The following UBL7 variants were observed in gnomAD, a reference collection of about 807,000 sequenced individuals.
UBL7 encodes the protein ubiquitin-like protein 7.
A neutral mutation model predicts 41.7 loss-of-function variants in UBL7; 21 were observed. The observed-to-expected ratio is 0.50, with a 90% CI of 0.36 to 0.73. The LOEUF is 0.73. Among genes scored for constraint, UBL7 ranks in the 30% least tolerant of loss-of-function variants. The pLI is 0.00. For synonymous variants in UBL7, 157 were observed against 186.9 expected, an observed-to-expected ratio of 0.84 and a Z score of 1.31; for missense variants, 403 against 478.4, an observed-to-expected ratio of 0.84 and a Z score of 1.47.
rs566064250 is a variant in UBL7, at chr15:74,456,414, G to A, written c.304+138C>T. On this transcript the variant is annotated intron_variant, in intron 3 of 10. Coordinates refer to ENST00000395081, the MANE Select transcript of UBL7 (RefSeq NM_032907.5). Reference sequence around the variant, plus strand: ...TTATCAGCATGGTCTAATCCAATAAGTAATAAAGATATCATTTATCATCAG... The same window carrying A: ...TTATCAGCATGGTCTAATCCAATAAATAATAAAGATATCATTTATCATCAG... The A allele has an allele frequency of 1.4e-4, 161 of 1,160,658 alleles. 1 individual carries two copies. In the African/African-American group the frequency reaches 2.2e-3, roughly 16 times the overall value. The allele number at this position is 1,160,658 out of a possible 1,614,324, so 71.9% of individuals were successfully genotyped here.
At position 74,446,349 on chromosome 15, in the gene UBL7, G is replaced by T; in HGVS notation, c.1006-122C>A. 8.0e-7 allele frequency: 1 copy of T among 1,257,398 alleles called. No individual in the cohort carries two copies. Among genetic ancestry groups the T allele is most frequent in the East Asian group, 2.4e-5 (1 of 41,538 alleles). The allele number at this position is 1,257,398 out of a possible 1,614,324, so 77.9% of individuals were successfully genotyped here. A position where few individuals can be genotyped will look rare whatever the true frequency, so the allele number is the denominator to read the frequency against. On this transcript the variant is annotated intron_variant, in intron 10 of 10. Transcript: ENST00000395081. The surrounding 1 kb of genome is among the most constrained non-coding windows in gnomAD (Gnocchi z 4.1). The stretch of plus-strand genomic sequence containing the variant: ...AGTCCTCAGCAAAGCTGCTGATGCT[G>T]AGTTCCACAGAACACGGTGCTTCTA...
intron 5 of UBL7, among the ~76,000 whole-genome samples, chr15:74,451,150 A>C (rs958590516): frequency 6.6e-6 from 1 of 152,112 alleles, no homozygotes; most frequent in Admixed American, 6.6e-5. Flanking sequence ...TCCCTTACTC[A>C]GGGTGTGCAG....
chr15:74,448,960 C>T (rs2061213153), intron 9 of UBL7, among the ~76,000 whole-genome samples: 1 of 152,104 alleles, frequency 6.6e-6, no homozygotes, highest in Non-Finnish European at 1.5e-5. Flanking sequence ...GTCTTCTGAA[C>T]TAATAGGGGG....
Position 74,448,490 on chromosome 15 carries a change from C to A in UBL7, c.993G>T (p.Gln331His). The change falls in exon 10 of 11, where the codon CAG becomes CAT. Residue 331 changes from glutamine to histidine, a missense_variant. Transcript: ENST00000395081. The part of the protein sequence containing the change: ...ALQHALQASG[Q>H]PSLQSQWQPQ... ...GGGGAAGACTGACCTGAAGGCTGGG[C>A]TGCCCAGAGGCCTGAAGGGCATGCT... 6.2e-7 allele frequency: 1 copy of A among 1,613,996 alleles called. No homozygotes were observed. Among genetic ancestry groups the A allele is most frequent in the Non-Finnish European group, 8.5e-7 (1 of 1,179,896 alleles).
intron 3 of UBL7, among the ~76,000 whole-genome samples, chr15:74,454,797 G>C (rs2061280042): frequency 6.6e-6 from 1 of 152,162 alleles, no homozygotes. Flanking sequence ...TCAGGCAGTG[G>C]GAGTGATTTT....
rs60629046 is a variant in UBL7 at position 74,448,645 on chromosome 15, A to G, written c.883-45T>C. On this transcript the variant is annotated intron_variant, in intron 9 of 10. Transcript: ENST00000395081. Reference sequence around the variant, plus strand: ...CAGTGCCACCCTCAGCGCCATCTCAATCTTATAGCAGATGCTCGCTGTTGT... The same window carrying G: ...CAGTGCCACCCTCAGCGCCATCTCAGTCTTATAGCAGATGCTCGCTGTTGT... The G allele has an allele frequency of 2.3e-3, 3,736 of 1,608,130 alleles. 130 individuals are homozygous for G. The East Asian group carries it at 0.07, about 30-fold the overall frequency.
intron 10 of UBL7, among the ~76,000 whole-genome samples, chr15:74,447,445 G>A (rs2061194180): frequency 1.3e-5 from 2 of 152,296 alleles, no homozygotes; most frequent in South Asian, 4.1e-4. Context: ...GCTCACACCT[G>A]TAATCCCAGA....
At chr15:74,457,736 C>CAAAA (rs1187527943) in intron 2 of UBL7, among the ~76,000 whole-genome samples, 3 of 37,622 alleles carry the variant, frequency 8.0e-5, no homozygotes, top group Admixed American at 2.6e-4. Context: ...GACTCCGTCT[C>CAAAA]AAAAAAAAAA....
intron 3 of UBL7, among the ~76,000 whole-genome samples, chr15:74,453,013 T>C (rs1252804585): frequency 6.6e-6 from 1 of 152,136 alleles, no homozygotes; most frequent in Non-Finnish European, 1.5e-5. Flanking sequence ...TGCCCAGCCC[T>C]GGGTCACACT....
At chr15:74,456,855 G>T (rs1244366571) in intron 2 of UBL7, among the ~76,000 whole-genome samples, 184 bp from the exon 3 acceptor site, 1 of 151,878 alleles carries the variant, frequency 6.6e-6, no homozygotes, top group African/African-American at 2.4e-5. Context: ...TGTTGCCCAG[G>T]CTTGAGTGCA....
At chr15:74,460,693 T>C in intron 1 of UBL7, 1 of 1,288,886 alleles carries the variant, frequency 7.8e-7, no homozygotes, top group Non-Finnish European at 1.0e-6. Flanking sequence ...CCCCAGAAAA[T>C]AAATCAGAAA....
chr15:74,451,719 A>C (rs1261604697), intron 4 of UBL7, among the ~76,000 whole-genome samples, 199 bp from the exon 5 acceptor site: 1 of 152,164 alleles, frequency 6.6e-6, no homozygotes, highest in African/African-American at 2.4e-5. Flanking sequence ...AATTTAAAAA[A>C]AAAAAAGGCA....
intron 7 of UBL7, 78 bp from the exon 8 acceptor site, chr15:74,449,753 T>C: frequency 6.3e-7 from 1 of 1,589,410 alleles, no homozygotes; most frequent in Non-Finnish European, 8.6e-7. Context: ...CTCAAGTTAC[T>C]CTCCAAATTC....
chr15:74,451,539 G>T lies in UBL7; in HGVS notation c.388-19C>A. The T allele has an allele frequency of 6.2e-7, 1 of 1,609,386 alleles. No homozygotes were observed. Among genetic ancestry groups the T allele is most frequent in the South Asian group, 1.1e-5 (1 of 90,990 alleles). On this transcript the variant is annotated intron_variant, in intron 4 of 10. Transcript: ENST00000395081. ...TAAAGACCTGCAGGAGAAATGGCGG[G>T]GGCTGAGCACTCCAACCAGCTCAAT... is the stretch of plus-strand genomic sequence containing the variant.
chr15:74,460,683 C>G, intron 1 of UBL7: 4 of 1,288,304 alleles, frequency 3.1e-6, no homozygotes, highest in Non-Finnish European at 4.0e-6. Flanking sequence ...ATACATGGAA[C>G]CCCAGAAAAT....
At position 74,449,974 on chromosome 15, in the gene UBL7, G is replaced by T; in HGVS notation, c.626C>A (p.Ser209Tyr). The change falls in exon 7 of 11, where the codon TCC becomes TAC. Residue 209 changes from serine to tyrosine, a missense_variant. Transcript: ENST00000395081. ...SAPMPGTDSSSRSMPSSSYRD... is the reference protein window; with the variant it reads ...SAPMPGTDSSYRSMPSSSYRD... ...GTATGAGCTGGAGGGCATGCTCCGG[G>T]AAGAGGAGTCAGTCCCAGGCATTGG... 6 of 1,613,360 alleles carry T rather than the reference G, an allele frequency of 3.7e-6. No individual in the cohort carries two copies. Among genetic ancestry groups the T allele is most frequent in the Non-Finnish European group, 5.1e-6 (6 of 1,179,726 alleles).
chr15:74,449,610 C>T lies in UBL7; in HGVS notation c.714+16G>A. 1 of 1,614,054 alleles carries T rather than the reference C, an allele frequency of 6.2e-7. No homozygotes were observed. Among genetic ancestry groups the T allele is most frequent in the South Asian group, 1.1e-5 (1 of 91,060 alleles). On this transcript the variant is annotated intron_variant, in intron 8 of 10. Coordinates refer to ENST00000395081, the MANE Select transcript of UBL7 (RefSeq NM_032907.5). ...CCCACATGTCAGCATGTCAGGCAGG[C>T]AGGCAGGCCACTTACTGGGTGAAAG...
chr15:74,450,017 A>G lies in UBL7; in HGVS notation c.583T>C (p.Ser195Pro). ...GGCATTGGGGCACTGCCTGCTACGG[A>G]GTGCAGAACCAGGACAATGGCATTG... is the stretch of plus-strand genomic sequence containing the variant. ...LVNAIVLVLH[S>P]VAGSAPMPGT... The change falls in exon 7 of 11, where the codon TCC becomes CCC. Residue 195 changes from serine to proline, a missense_variant. Coordinates refer to ENST00000395081, the MANE Select transcript of UBL7 (RefSeq NM_032907.5). The G allele has an allele frequency of 6.2e-7, 1 of 1,613,726 alleles. No homozygotes were observed.
At chr15:74,451,035 G>A (rs1428624572) in intron 5 of UBL7, among the ~76,000 whole-genome samples, 176 bp from the exon 6 acceptor site, 1 of 152,150 alleles carries the variant, frequency 6.6e-6, no homozygotes, top group Non-Finnish European at 1.5e-5. Context: ...TCCTCATCTT[G>A]GTCTAGTGAG....
Sources: allele counts gnomAD v4.1 joint callset (sites outside exome capture counted in the v4.1 genomes callset), GRCh38; gene constraint gnomAD v4.1.1; non-coding constraint Gnocchi (gnomAD v3.1); transcripts MANE v1.5; gene names NCBI Gene and HGNC (gene_info 2026-07-23, HGNC 2026-07-21).